Variants in PTPRT observed in about 807,000 individuals in gnomAD.
PTPRT encodes receptor-type tyrosine-protein phosphatase T.
In PTPRT, 56 loss-of-function variants were observed where a neutral mutation model predicts 176.8. That is an observed-to-expected ratio of 0.32 (90% confidence interval 0.26 to 0.40). The LOEUF is 0.40. PTPRT is among the 10% of genes least tolerant of loss of function. The probability of loss-of-function intolerance (pLI) is 1.00; values close to 1 mark genes in which losing one functional copy is unlikely to be tolerated. For missense variants in PTPRT, 1,540 were observed against 1,908.2 expected, an observed-to-expected ratio of 0.81 and a Z score of 3.60; for synonymous variants, 783 against 739.0, an observed-to-expected ratio of 1.06 and a Z score of -0.96.
intron 9 of PTPRT, among the ~76,000 whole-genome samples, chr20:42,395,255 T>C (rs925322061): frequency 7.2e-5 from 11 of 152,158 alleles, no homozygotes; most frequent in Admixed American, 3.3e-4. Flanking sequence ...ATAGAGAAAA[T>C]GGAAGTTCCA....
At chr20:42,931,791 G>A (rs766766002) in intron 1 of PTPRT, among the ~76,000 whole-genome samples, 1 of 152,218 alleles carries the variant, frequency 6.6e-6, no homozygotes, top group Non-Finnish European at 1.5e-5. Flanking sequence ...TGGACACCAG[G>A]CATGCACAGA....
At chr20:42,623,544 G>A (rs1200159313) in intron 7 of PTPRT, among the ~76,000 whole-genome samples, 1 of 152,210 alleles carries the variant, frequency 6.6e-6, no homozygotes, top group African/African-American at 2.4e-5. Flanking sequence ...TACGGAATGG[G>A]ATGAAATGGT....
intron 1 of PTPRT, among the ~76,000 whole-genome samples, chr20:43,161,994 T>C (rs1203284794): frequency 1.3e-5 from 2 of 152,238 alleles, no homozygotes; most frequent in Non-Finnish European, 2.9e-5. Context: ...ACAGACTCGA[T>C]AGATTATTAT....
intron 7 of PTPRT, among the ~76,000 whole-genome samples, chr20:42,473,213 ACAT>A (rs1368725455): frequency 6.6e-6 from 1 of 152,152 alleles, no homozygotes; most frequent in East Asian, 1.9e-4. Context: ...CCCTCTGGGA[ACAT>A]CATTCTAAAA....
At chr20:42,503,935 A>T (rs1450079597) in intron 7 of PTPRT, among the ~76,000 whole-genome samples, 1 of 152,084 alleles carries the variant, frequency 6.6e-6, no homozygotes, top group African/African-American at 2.4e-5. Context: ...CATTCAGGTC[A>T]CCTTATGAGG....
intron 9 of PTPRT, among the ~76,000 whole-genome samples, chr20:42,401,974 C>G (rs2145706566): frequency 6.6e-6 from 1 of 152,336 alleles, no homozygotes; most frequent in Non-Finnish European, 1.5e-5. Flanking sequence ...GACATCTGTC[C>G]TGTCCTGGGA....
intron 11 of PTPRT, among the ~76,000 whole-genome samples, chr20:42,338,319 T>TA (rs1415566996): frequency 6.6e-6 from 1 of 152,158 alleles, no homozygotes; most frequent in Non-Finnish European, 1.5e-5. Context: ...ATGTCCCTGA[T>TA]AGAGAGATGG....
intron 1 of PTPRT, among the ~76,000 whole-genome samples, chr20:43,165,325 C>A (rs1224565282): frequency 6.6e-6 from 1 of 151,962 alleles, no homozygotes; most frequent in Non-Finnish European, 1.5e-5. Context: ...TCATGTCTGG[C>A]TAATTTTTTG....
In PTPRT at chr20:42,074,692, C is replaced by T; in HGVS notation, c.*6187G>A. The T allele has an allele frequency of 2.5e-6, 1 of 398,316 alleles. No individual in the cohort carries two copies. Among genetic ancestry groups the T allele is most frequent in the South Asian group, 1.3e-4 (1 of 7,780 alleles). The allele number at this position is 398,316 out of a possible 1,614,324, so 24.7% of individuals were successfully genotyped here. ...GTGGGATGCTAGGTTTGGAGGCTAC[C>T]ATTGTGAGTGTTGATGCCTCCTTTT... On this transcript the variant is annotated 3_prime_UTR_variant, in exon 31 of 31. Transcript: ENST00000373187.
intron 6 of PTPRT, among the ~76,000 whole-genome samples, chr20:42,694,943 T>C (rs1286644760): frequency 6.6e-6 from 1 of 152,166 alleles, no homozygotes; most frequent in Non-Finnish European, 1.5e-5. Flanking sequence ...ACAGAGCTCC[T>C]GGCTGTCTTC....
chr20:42,181,636 G>C (rs1365501903), intron 16 of PTPRT, among the ~76,000 whole-genome samples: 1 of 152,124 alleles, frequency 6.6e-6, no homozygotes, highest in Non-Finnish European at 1.5e-5. Context: ...ACTGAATAGT[G>C]AAAGTGAACC....
chr20:42,405,214 T>C (rs1407177164), intron 9 of PTPRT, among the ~76,000 whole-genome samples: 4 of 151,612 alleles, frequency 2.6e-5, no homozygotes, highest in Admixed American at 2.6e-4. Flanking sequence ...TTATTATACT[T>C]TAAGTTCTAG....
At chr20:42,116,388 G>C (rs1336062694) in intron 21 of PTPRT, among the ~76,000 whole-genome samples, 2 of 152,158 alleles carry the variant, frequency 1.3e-5, no homozygotes, top group Non-Finnish European at 2.9e-5. Context: ...CACTGGTATA[G>C]TGCAACAGAG....
At chr20:42,888,516 G>A (rs2079139415) in intron 1 of PTPRT, among the ~76,000 whole-genome samples, 1 of 152,148 alleles carries the variant, frequency 6.6e-6, no homozygotes, top group South Asian at 2.1e-4. Context: ...TGCACTGAGG[G>A]GATAAATGAC....
At chr20:43,046,665 G>A (rs1986852653) in intron 1 of PTPRT, among the ~76,000 whole-genome samples, 1 of 152,138 alleles carries the variant, frequency 6.6e-6, no homozygotes, top group African/African-American at 2.4e-5. Flanking sequence ...CATCTCACCA[G>A]GAATCTCCCT....
chr20:42,145,197 C>T (rs1164895524), intron 17 of PTPRT, among the ~76,000 whole-genome samples: 2 of 152,162 alleles, frequency 1.3e-5, no homozygotes, highest in Non-Finnish European at 1.5e-5. Flanking sequence ...AAATACATCT[C>T]TATTTACAAA....
At chr20:43,121,815 A>T (rs2013271384) in intron 1 of PTPRT, among the ~76,000 whole-genome samples, 1 of 152,208 alleles carries the variant, frequency 6.6e-6, no homozygotes, top group African/African-American at 2.4e-5. Context: ...GAATTTTTCA[A>T]ATTCATAATA....
chr20:42,792,225 T>C (rs2077386983), intron 2 of PTPRT, among the ~76,000 whole-genome samples: 1 of 152,168 alleles, frequency 6.6e-6, no homozygotes, highest in Non-Finnish European at 1.5e-5. Flanking sequence ...AAGCCCAACC[T>C]AGATCAGCCA....
chr20:42,754,185 CAAAA>C (rs57265112), intron 6 of PTPRT, among the ~76,000 whole-genome samples: 1 of 150,488 alleles, frequency 6.6e-6, no homozygotes, highest in Admixed American at 6.8e-5. Flanking sequence ...AATAAATCTT[CAAAA>C]AAAATTTTTT....
Sources: gnomAD v4.1 joint callset for allele counts (sites outside exome capture counted in the v4.1 genomes callset) on GRCh38, gnomAD v4.1.1 for gene constraint, MANE v1.5 for transcripts, NCBI Gene and HGNC (gene_info 2026-07-23, HGNC 2026-07-21) for gene names.